The following FBXL7 variants were observed in gnomAD, a reference collection of about 807,000 sequenced individuals.
FBXL7 encodes F-box/LRR-repeat protein 7.
In FBXL7, 12 loss-of-function variants were observed where a neutral mutation model predicts 38.3. That is an observed-to-expected ratio of 0.31 (90% CI 0.20 to 0.51). FBXL7 has a LOEUF of 0.51. Ranked by LOEUF, FBXL7 falls within the 20% of genes least tolerant of loss-of-function variation. The pLI is 0.98. For missense variants in FBXL7, 567 were observed against 676.4 expected (o/e 0.84, Z 1.79); for synonymous variants, 297 against 300.9 (o/e 0.99, Z 0.13).
chr5:15,678,700 T>C (rs1324651127), intron 2 of FBXL7, among the ~76,000 whole-genome samples: 2 of 152,294 alleles, frequency 1.3e-5, no homozygotes, highest in African/African-American at 2.4e-5. Context: ...TGAATAAGTC[T>C]CATGAGATCT....
intron 1 of FBXL7, among the ~76,000 whole-genome samples, chr5:15,583,771 G>A (rs1324002577): frequency 6.6e-6 from 1 of 152,158 alleles, no homozygotes; most frequent in African/African-American, 2.4e-5. Context: ...TCTGGGCTCT[G>A]GAGGATGATG....
At chr5:15,598,203 G>A (rs1344053427) in intron 1 of FBXL7, among the ~76,000 whole-genome samples, 1 of 152,182 alleles carries the variant, frequency 6.6e-6, no homozygotes, top group Non-Finnish European at 1.5e-5. Flanking sequence ...ATTACCCAGA[G>A]TACATTAAAC....
At chr5:15,823,991 A>G (rs1251345223) in intron 2 of FBXL7, among the ~76,000 whole-genome samples, 3 of 152,078 alleles carry the variant, frequency 2.0e-5, no homozygotes, top group African/African-American at 7.2e-5. Context: ...AACGTAAACC[A>G]TTTTAGCCGG....
chr5:15,516,621 C>T (rs1247712218), intron 1 of FBXL7, among the ~76,000 whole-genome samples: 1 of 151,958 alleles, frequency 6.6e-6, no homozygotes, highest in Non-Finnish European at 1.5e-5. Context: ...CATAATTCTC[C>T]CACATGTCGT....
In FBXL7 at chr5:15,846,117, A is replaced by C. The variant is rs1738895202; in HGVS notation, c.128-81773A>C. ...GACATTTTTAAATGAATACACAATT[A>C]TTCAAATATGTAGATAACAAACATT... On this transcript the variant is annotated intron_variant, in intron 2 of 3. Transcript: ENST00000504595. Among the ~76,000 whole-genome samples the C allele has an allele frequency of 2.0e-5, 3 of 152,290 alleles. No individual in the cohort carries two copies. The South Asian group carries it at 6.2e-4, about 31-fold the overall frequency.
intron 2 of FBXL7, among the ~76,000 whole-genome samples, chr5:15,828,567 A>G (rs1027798548): frequency 1.3e-5 from 2 of 152,192 alleles, no homozygotes; most frequent in Admixed American, 6.5e-5. Context: ...TTCTCTATTA[A>G]TTGAACACCT....
At chr5:15,624,001 G>A (rs914310192) in intron 2 of FBXL7, among the ~76,000 whole-genome samples, 1 of 152,118 alleles carries the variant, frequency 6.6e-6, no homozygotes, top group Non-Finnish European at 1.5e-5. Context: ...CATTGTCAGC[G>A]AAACTGAATT....
chr5:15,557,517 A>G (rs532853447), intron 1 of FBXL7, among the ~76,000 whole-genome samples: 1 of 152,348 alleles, frequency 6.6e-6, no homozygotes, highest in Non-Finnish European at 1.5e-5. Flanking sequence ...TGTAAGGCTA[A>G]TGAAGATGTT....
chr5:15,696,778 G>A (rs1743350214), intron 2 of FBXL7, among the ~76,000 whole-genome samples: 1 of 152,202 alleles, frequency 6.6e-6, no homozygotes, highest in African/African-American at 2.4e-5. Flanking sequence ...TTGAGAACCT[G>A]TGGAACAACG....
chr5:15,935,563 G>A (rs576157241), intron 3 of FBXL7, among the ~76,000 whole-genome samples: 2 of 151,140 alleles, frequency 1.3e-5, no homozygotes, highest in African/African-American at 2.4e-5. Flanking sequence ...TTCGAGTTCC[G>A]TTTTCCAAGA....
intron 2 of FBXL7, among the ~76,000 whole-genome samples, chr5:15,774,168 A>G (rs1233492567): frequency 6.6e-6 from 1 of 151,904 alleles, no homozygotes; most frequent in South Asian, 2.1e-4. Flanking sequence ...TTCAGCTTCC[A>G]GAGGCTACCT....
chr5:15,706,366 G>A (rs970181923), intron 2 of FBXL7, among the ~76,000 whole-genome samples: 64 of 152,058 alleles, frequency 4.2e-4, no homozygotes, highest in African/African-American at 1.4e-3. Flanking sequence ...GCTTTCCACC[G>A]TGATTGTAGA....
chr5:15,925,226 T>C (rs1741851220), intron 2 of FBXL7, among the ~76,000 whole-genome samples: 1 of 152,190 alleles, frequency 6.6e-6, no homozygotes, highest in Non-Finnish European at 1.5e-5. Context: ...TTGGAAAAGA[T>C]AAATTCACAA....
At chr5:15,632,897 G>C (rs528259651) in intron 2 of FBXL7, among the ~76,000 whole-genome samples, 140 of 152,170 alleles carry the variant, frequency 9.2e-4, no homozygotes, top group Non-Finnish European at 6.3e-4. Context: ...GAAACTTTGA[G>C]GTACTATGCT....
intron 2 of FBXL7, among the ~76,000 whole-genome samples, chr5:15,799,356 C>CTTTTTTTTTT (rs34953272): frequency 4.4e-5 from 4 of 90,872 alleles, no homozygotes; most frequent in Non-Finnish European, 6.0e-5. Flanking sequence ...AAACCCCTCC[C>CTTTTTTTTTT]TTTTTTTTTT....
At chr5:15,923,946 C>T (rs1741813398) in intron 2 of FBXL7, among the ~76,000 whole-genome samples, 2 of 152,032 alleles carry the variant, frequency 1.3e-5, no homozygotes, top group Non-Finnish European at 2.9e-5. Context: ...ACAACCTAGG[C>T]AGGCAGGAGA....
chr5:15,500,773 C>T, intron 1 of FBXL7, 60 bp downstream of exon 1: 2 of 1,580,048 alleles, frequency 1.3e-6, no homozygotes, highest in Non-Finnish European at 1.7e-6. Flanking sequence ...TTTCCCTCGC[C>T]CTCCCGACTG....
At chr5:15,597,172 A>G (rs1401938485) in intron 1 of FBXL7, among the ~76,000 whole-genome samples, 1 of 152,194 alleles carries the variant, frequency 6.6e-6, no homozygotes, top group African/African-American at 2.4e-5. Flanking sequence ...TAGGATACCC[A>G]GCTGGAGAAT....
intron 2 of FBXL7, among the ~76,000 whole-genome samples, chr5:15,843,359 C>T (rs1453983919): frequency 6.6e-6 from 1 of 152,150 alleles, no homozygotes; most frequent in Non-Finnish European, 1.5e-5. Flanking sequence ...TTCTGGCTTT[C>T]CTGTCTAAAT....
Sources: allele counts gnomAD v4.1 joint callset (sites outside exome capture counted in the v4.1 genomes callset), GRCh38; gene constraint gnomAD v4.1.1; transcripts MANE v1.5; gene names NCBI Gene and HGNC (gene_info 2026-07-23, HGNC 2026-07-21).